Variants in OTUD7A observed in about 807,000 individuals in gnomAD.
OTUD7A encodes the protein OTU deubiquitinase 7A.
In OTUD7A, 12 loss-of-function variants were observed where a neutral mutation model predicts 65.7. The ratio of observed to expected loss-of-function variants is 0.18; its 90% CI spans 0.12 to 0.30. OTUD7A has a LOEUF of 0.30. Among genes scored for constraint, OTUD7A ranks in the 10% least tolerant of loss-of-function variants. OTUD7A has a pLI of 1.00. For missense variants in OTUD7A, 1,148 were observed against 1,304.8 expected (o/e 0.88, Z 1.85); for synonymous variants, 641 against 586.3 (o/e 1.09, Z -1.35).
intron 8 of OTUD7A, among the ~76,000 whole-genome samples, chr15:31,506,150 T>C (rs1446578259): frequency 1.3e-5 from 2 of 152,140 alleles, no homozygotes; most frequent in Non-Finnish European, 2.9e-5. Flanking sequence ...TTTGTAGTGC[T>C]TTTGTTATAG....
chr15:31,509,873 T>C (rs4779539), intron 8 of OTUD7A, among the ~76,000 whole-genome samples: 18,730 of 151,800 alleles, frequency 0.12, 1,367 homozygotes, highest in East Asian at 0.24. Flanking sequence ...ACCGTGTCTT[T>C]CTTTGATTTT....
chr15:31,634,676 T>C (rs1406494256), intron 3 of OTUD7A, among the ~76,000 whole-genome samples: 3 of 152,272 alleles, frequency 2.0e-5, no homozygotes, highest in Admixed American at 2.0e-4. Flanking sequence ...GCAATGTTCC[T>C]GCAGGTCTGC....
intron 1 of OTUD7A, among the ~76,000 whole-genome samples, chr15:31,728,293 AG>A (rs1893948425): frequency 6.6e-6 from 1 of 152,166 alleles, no homozygotes; most frequent in South Asian, 2.1e-4. Context: ...AATAGCATTG[AG>A]GCTACTGGAT....
chr15:31,554,369 G>C (rs1240213522), intron 5 of OTUD7A, among the ~76,000 whole-genome samples: 1 of 152,188 alleles, frequency 6.6e-6, no homozygotes, highest in African/African-American at 2.4e-5. Context: ...GGGTCAATCT[G>C]TCTCCATTTG....
At position 31,490,263 on chromosome 15, in the gene OTUD7A, A is replaced by T. The variant is rs1292489274; in HGVS notation, c.1172-2697T>A. 2.6e-5 allele frequency among the ~76,000 whole-genome samples: 4 copies of T among 152,346 alleles called. No individual in the cohort carries two copies. The East Asian group carries it at 7.7e-4, about 29-fold the overall frequency. Reference sequence around the variant, plus strand: ...TCTAGAACAGCAACTGCTTTTCAAAATGAGCCTAAAAAGGCCGGAAAGGTG... The same window carrying T: ...TCTAGAACAGCAACTGCTTTTCAAATTGAGCCTAAAAAGGCCGGAAAGGTG... On this transcript the variant is annotated intron_variant, in intron 10 of 12. Transcript: ENST00000307050.
chr15:31,839,341 T>C (rs1202440313), intron 1 of OTUD7A, among the ~76,000 whole-genome samples: 1 of 152,192 alleles, frequency 6.6e-6, no homozygotes, highest in Non-Finnish European at 1.5e-5. Flanking sequence ...CATTCCCATT[T>C]CTTCTTCTGT....
At chr15:31,716,144 A>G (rs1275172317) in intron 1 of OTUD7A, among the ~76,000 whole-genome samples, 1 of 84,794 alleles carries the variant, frequency 1.2e-5, no homozygotes, top group Non-Finnish European at 2.5e-5. Flanking sequence ...TTTTATATAT[A>G]TAAAATAATT....
intron 10 of OTUD7A, among the ~76,000 whole-genome samples, chr15:31,496,565 A>G (rs1184844259): frequency 6.6e-6 from 1 of 152,250 alleles, no homozygotes; most frequent in Non-Finnish European, 1.5e-5. Flanking sequence ...AGTTGAGCAG[A>G]ATATGTAATG....
chr15:31,501,927 C>A, intron 9 of OTUD7A, 88 bp from the exon 10 acceptor site: 1 of 1,409,412 alleles, frequency 7.1e-7, no homozygotes, highest in Non-Finnish European at 9.6e-7. Flanking sequence ...CTCACTACCC[C>A]GGGGGGACTC....
At chr15:31,542,526 T>TAA (rs1888016197) in intron 5 of OTUD7A, among the ~76,000 whole-genome samples, 1 of 151,918 alleles carries the variant, frequency 6.6e-6, no homozygotes, top group African/African-American at 2.4e-5. Flanking sequence ...AAGAATAGAC[T>TAA]GAAAAGATCT....
At chr15:31,787,421 C>T (rs1159431901) in intron 1 of OTUD7A, 1 of 152,198 alleles carries the variant, frequency 6.6e-6, no homozygotes, top group Non-Finnish European at 1.5e-5. Context: ...AAATATACAT[C>T]TCCTACTCTC....
At chr15:31,767,131 T>C (rs1895111832) in intron 1 of OTUD7A, 2 of 1,516,386 alleles carry the variant, frequency 1.3e-6, no homozygotes, top group South Asian at 1.2e-5. Context: ...TTTTTTTCTC[T>C]ACGAAGCAGA....
At chr15:31,538,998 T>C (rs1477627251) in intron 5 of OTUD7A, among the ~76,000 whole-genome samples, 1 of 152,218 alleles carries the variant, frequency 6.6e-6, no homozygotes, top group African/African-American at 2.4e-5. Context: ...CTGACGAATA[T>C]GTGCTGTACA....
intron 3 of OTUD7A, among the ~76,000 whole-genome samples, chr15:31,603,373 GGAAAACTGGCTAGCCATATGCA>G (rs967411782): frequency 2.0e-5 from 3 of 152,116 alleles, no homozygotes; most frequent in African/African-American, 7.2e-5. Flanking sequence ...AATAGTGTTG[GGAAAACTGGCTAGCCATATGCA>G]GAAAACTGAA....
intron 1 of OTUD7A, among the ~76,000 whole-genome samples, chr15:31,671,039 C>T (rs1169303987): frequency 1.3e-5 from 2 of 152,172 alleles, no homozygotes; most frequent in East Asian, 3.9e-4. Context: ...TGTCTGTTCA[C>T]CTGACAACAG....
intron 1 of OTUD7A, among the ~76,000 whole-genome samples, chr15:31,826,594 G>A (rs1425457522): frequency 6.6e-6 from 1 of 152,216 alleles, no homozygotes; most frequent in East Asian, 1.9e-4. Flanking sequence ...TTAACATTTG[G>A]TTCCTCATTA....
At chr15:31,574,583 C>T (rs1889149860) in intron 3 of OTUD7A, among the ~76,000 whole-genome samples, 1 of 152,066 alleles carries the variant, frequency 6.6e-6, no homozygotes, top group Non-Finnish European at 1.5e-5. Context: ...AGAATTCAGG[C>T]CAAAAAGCAT....
At chr15:31,659,966 A>T (rs1827478) in intron 1 of OTUD7A, among the ~76,000 whole-genome samples, 14,398 of 151,812 alleles carry the variant, frequency 0.095, 435 homozygotes, top group African/African-American at 0.29. Context: ...TGGTTGTCAC[A>T]TCTGAGCAAT....
At chr15:31,506,296 T>C (rs2041565783) in intron 8 of OTUD7A, among the ~76,000 whole-genome samples, 2 of 152,152 alleles carry the variant, frequency 1.3e-5, no homozygotes, top group African/African-American at 2.4e-5. Context: ...AGCTATTTTT[T>C]TGATGGCGTT....
Sources: gnomAD v4.1 joint callset for allele counts (sites outside exome capture counted in the v4.1 genomes callset) on GRCh38, gnomAD v4.1.1 for gene constraint, MANE v1.5 for transcripts, NCBI Gene and HGNC (gene_info 2026-07-23, HGNC 2026-07-21) for gene names.